PCDH7: variants seen among roughly 807,000 people sequenced by gnomAD.
PCDH7 encodes the protein protocadherin-7.
In PCDH7, 17 loss-of-function variants were observed where a neutral mutation model predicts 58.9. That is an observed-to-expected ratio of 0.29 (90% CI 0.20 to 0.43). PCDH7 has a LOEUF of 0.43. Among genes scored for constraint, PCDH7 ranks in the 20% least tolerant of loss-of-function variants. The pLI is 1.00. For synonymous variants in PCDH7, 664 were observed against 616.4 expected, an observed-to-expected ratio of 1.08 and a Z score of -1.14; for missense variants, 1,274 against 1,441.0, an observed-to-expected ratio of 0.88 and a Z score of 1.88.
At chr4:30,896,935 T>C (rs1344386694) in intron 1 of PCDH7, among the ~76,000 whole-genome samples, 1 of 127,600 alleles carries the variant, frequency 7.8e-6, no homozygotes, top group Middle Eastern at 3.6e-3. Context: ...GGTGGAGTCT[T>C]GCTCTGTCAC....
rs575048904 is a variant in PCDH7 at position 31,105,663 on chromosome 4, T to C, written c.*8-36810T>C. On this transcript the variant is annotated intron_variant, in intron 3 of 3. Coordinates refer to the PCDH7 transcript ENST00000509759. ...GTGTTAAACTTGGAGCTATAATAAG[T>C]ATTGTTAGAAAATAATGGAGCTCAT... Among the ~76,000 whole-genome samples the C allele has an allele frequency of 2.0e-5, 3 of 152,224 alleles. No individual in the cohort carries two copies. In the South Asian group the frequency reaches 6.2e-4, roughly 32 times the overall value.
intron 1 of PCDH7, among the ~76,000 whole-genome samples, chr4:30,850,818 A>G (rs1408544756): frequency 2.0e-5 from 3 of 152,060 alleles, no homozygotes; most frequent in African/African-American, 7.2e-5. Flanking sequence ...TGATAACACT[A>G]TGTCGGCTCC....
chr4:30,996,407 C>T (rs1031876502), intron 3 of PCDH7, among the ~76,000 whole-genome samples: 12 of 152,080 alleles, frequency 7.9e-5, no homozygotes, highest in Admixed American at 2.0e-4. Context: ...TTCCAATGCG[C>T]GAGGACATTT....
intron 1 of PCDH7, among the ~76,000 whole-genome samples, chr4:30,850,236 G>A (rs114268940): frequency 3.3e-5 from 5 of 152,236 alleles, no homozygotes; most frequent in Admixed American, 1.3e-4. Context: ...AGGTTTTAGT[G>A]TATCTCAATG....
intron 3 of PCDH7, among the ~76,000 whole-genome samples, chr4:31,035,146 T>C (rs1755284962): frequency 6.6e-6 from 1 of 152,262 alleles, no homozygotes; most frequent in Non-Finnish European, 1.5e-5. Flanking sequence ...AACATGGAGA[T>C]GGCATCTCTT....
At chr4:30,733,035 C>T (rs1409069596), downstream of PCDH7, 1 of 152,222 alleles carries the variant, frequency 6.6e-6, no homozygotes, top group Non-Finnish European at 1.5e-5. Context: ...AGTCCCTTAC[C>T]ATGCCCAGCG....
chr4:30,927,982 T>A (rs1327522869), intron 2 of PCDH7, among the ~76,000 whole-genome samples: 1 of 152,218 alleles, frequency 6.6e-6, no homozygotes, highest in Non-Finnish European at 1.5e-5. Context: ...CTTTTTTTTA[T>A]TTTTATTTTT....
intron 3 of PCDH7, among the ~76,000 whole-genome samples, chr4:31,082,003 G>T (rs1711548732): frequency 6.6e-6 from 1 of 152,044 alleles, no homozygotes; most frequent in Non-Finnish European, 1.5e-5. Context: ...GAACTGGCTG[G>T]TCTCGAACTC....
chr4:31,048,284 T>G, intron 3 of PCDH7, among the ~76,000 whole-genome samples: 1 of 152,070 alleles, frequency 6.6e-6, no homozygotes, highest in East Asian at 1.9e-4. Flanking sequence ...ATGGCTCTAC[T>G]CAGTCCTCAG....
intron 3 of PCDH7, among the ~76,000 whole-genome samples, chr4:30,962,620 C>CCT (rs1748551944): frequency 6.6e-6 from 1 of 151,516 alleles, no homozygotes; most frequent in East Asian, 1.9e-4. Context: ...GACTCCATCT[C>CCT]TACAAAAAAT....
chr4:30,865,568 T>G (rs993926426), intron 1 of PCDH7, among the ~76,000 whole-genome samples: 1 of 152,068 alleles, frequency 6.6e-6, no homozygotes, highest in Admixed American at 6.6e-5. Context: ...GCTCTAGCAG[T>G]GCATGACACT....
intron 3 of PCDH7, among the ~76,000 whole-genome samples, chr4:31,007,600 T>A (rs531129068): frequency 1.5e-4 from 22 of 151,140 alleles, no homozygotes; most frequent in African/African-American, 2.4e-4. Flanking sequence ...TTTTTTTTTT[T>A]AAATATGTGG....
intron 2 of PCDH7, 26 bp downstream of exon 2, chr4:30,920,395 A>C (rs544814835): frequency 7.4e-7 from 1 of 1,352,858 alleles, no homozygotes; most frequent in Non-Finnish European, 9.9e-7. Context: ...ACATCCACAC[A>C]CATAATCACG....
At chr4:30,948,314 A>T (rs774910386) in intron 2 of PCDH7, among the ~76,000 whole-genome samples, 3 of 151,634 alleles carry the variant, frequency 2.0e-5, no homozygotes, top group Non-Finnish European at 4.4e-5. Context: ...GCTATATTTC[A>T]TGCTAGATGC....
intron 3 of PCDH7, among the ~76,000 whole-genome samples, chr4:31,120,075 G>A (rs1169458353): frequency 1.3e-5 from 2 of 151,972 alleles, no homozygotes; most frequent in South Asian, 2.1e-4. Context: ...TTCCTGGTGG[G>A]GTGTGAGGGC....
At chr4:30,885,562 C>T (rs1737609883) in intron 1 of PCDH7, among the ~76,000 whole-genome samples, 1 of 151,818 alleles carries the variant, frequency 6.6e-6, no homozygotes, top group African/African-American at 2.4e-5. Context: ...TTTAAAAGCT[C>T]TGCAATGCCA....
chr4:31,017,030 A>G (rs556669875), intron 3 of PCDH7, among the ~76,000 whole-genome samples: 21 of 152,092 alleles, frequency 1.4e-4, no homozygotes, highest in African/African-American at 5.1e-4. Flanking sequence ...CTTCTGGACT[A>G]TGTGTGACAG....
At chr4:30,916,653 T>C (rs1184054308) in intron 1 of PCDH7, among the ~76,000 whole-genome samples, 1 of 152,194 alleles carries the variant, frequency 6.6e-6, no homozygotes, top group Non-Finnish European at 1.5e-5. Flanking sequence ...TTACTAAATG[T>C]CTTTATGACC....
chr4:31,049,885 C>G (rs898616008), intron 3 of PCDH7, among the ~76,000 whole-genome samples: 9 of 152,002 alleles, frequency 5.9e-5, no homozygotes, highest in African/African-American at 2.2e-4. Flanking sequence ...AAATGTCTAC[C>G]CCAAGCTTAG....
Sources: allele counts gnomAD v4.1 joint callset (sites outside exome capture counted in the v4.1 genomes callset), GRCh38; gene constraint gnomAD v4.1.1; transcripts MANE v1.5; gene names NCBI Gene and HGNC (gene_info 2026-07-23, HGNC 2026-07-21).